LIMCH1: variants seen among roughly 807,000 people sequenced by gnomAD.
The protein encoded by LIMCH1 is LIM and calponin homology domains 1.
A neutral mutation model predicts 176.5 loss-of-function variants in LIMCH1; 113 were observed. The observed-to-expected ratio is 0.64, with a 90% CI of 0.55 to 0.75. The LOEUF is 0.75. Among genes scored for constraint, LIMCH1 ranks in the 30% least tolerant of loss-of-function variants. The pLI, the probability that LIMCH1 is intolerant of heterozygous loss-of-function variation, is 0.00. For missense variants in LIMCH1, 1,674 were observed against 1,814.9 expected (o/e 0.92, Z 1.41); for synonymous variants, 619 against 645.9 (o/e 0.96, Z 0.63).
intron 1 of LIMCH1, among the ~76,000 whole-genome samples, chr4:41,588,387 A>C (rs2086867584): frequency 6.6e-6 from 1 of 152,068 alleles, no homozygotes; most frequent in African/African-American, 2.4e-5. Context: ...ACTTCTTCCA[A>C]GATTGGAAGA....
At chr4:41,547,638 C>CATATATA (rs1172612531) in intron 1 of LIMCH1, among the ~76,000 whole-genome samples, 1 of 143,754 alleles carries the variant, frequency 7.0e-6, no homozygotes, top group African/African-American at 2.6e-5. Context: ...TAAATATATA[C>CATATATA]ATATATAATA....
intron 1 of LIMCH1, among the ~76,000 whole-genome samples, chr4:41,442,503 A>G (rs1037028249): frequency 6.6e-6 from 1 of 152,150 alleles, no homozygotes; most frequent in African/African-American, 2.4e-5. Context: ...CAAATGGATG[A>G]AGGAATTAAT....
At chr4:41,654,536 G>A (rs1309178966) in intron 18 of LIMCH1, among the ~76,000 whole-genome samples, 2 of 152,146 alleles carry the variant, frequency 1.3e-5, no homozygotes, top group South Asian at 2.1e-4. Flanking sequence ...GTCATGGAAC[G>A]TCTGTACTAG....
chr4:41,598,647 A>G (rs1194360367), intron 1 of LIMCH1, among the ~76,000 whole-genome samples: 1 of 152,200 alleles, frequency 6.6e-6, no homozygotes, highest in Non-Finnish European at 1.5e-5. Flanking sequence ...TAACAATGCT[A>G]AGTTTTCCTT....
chr4:41,440,769 G>T (rs1046135476), intron 1 of LIMCH1, among the ~76,000 whole-genome samples: 1 of 152,166 alleles, frequency 6.6e-6, no homozygotes, highest in Non-Finnish European at 1.5e-5. Context: ...CTGACCTCAG[G>T]TGATCCACCT....
intron 1 of LIMCH1, among the ~76,000 whole-genome samples, chr4:41,403,043 A>G (rs2058622318): frequency 6.6e-6 from 1 of 152,156 alleles, no homozygotes; most frequent in Admixed American, 6.5e-5. Context: ...AATTATATAA[A>G]GATGAAATAA....
chr4:41,594,832 T>C (rs534762362), intron 1 of LIMCH1, among the ~76,000 whole-genome samples: 7 of 152,158 alleles, frequency 4.6e-5, no homozygotes, highest in Non-Finnish European at 2.9e-5. Flanking sequence ...GAGCACCTTG[T>C]TGAGAATCTG....
Position 41,605,956 on chromosome 4 carries a change from G to T in LIMCH1, c.-40G>T. 1 of 1,613,778 alleles carries T rather than the reference G, an allele frequency of 6.2e-7. No homozygotes were observed. The highest frequency in any genetic ancestry group is 1.1e-5 in the South Asian group (1 of 91,012). On this transcript the variant is annotated 5_prime_UTR_variant, in exon 4 of 32. Transcript: ENST00000503057. ...ACAGCTGCACATCCTACAGCGGAACGACACTAAACCTGAAGGAGTTTGAAG... is the reference window on the plus strand; with the variant it reads ...ACAGCTGCACATCCTACAGCGGAACTACACTAAACCTGAAGGAGTTTGAAG...
intron 1 of LIMCH1, among the ~76,000 whole-genome samples, chr4:41,589,049 G>A (rs868746749): frequency 1.3e-5 from 2 of 152,150 alleles, no homozygotes; most frequent in Admixed American, 6.5e-5. Flanking sequence ...ATGACAAAGA[G>A]GTGGGGATGC....
rs939175276 is a variant in LIMCH1 at position 41,699,967 on chromosome 4, A to C, written c.*2782A>C. The C allele has an allele frequency of 2.0e-5, 3 of 152,230 alleles. No homozygotes were observed. The highest frequency in any genetic ancestry group is 7.2e-5 in the African/African-American group (3 of 41,462). The allele number at this position is 152,230 out of a possible 1,614,324, so 9.4% of individuals were successfully genotyped here. A position where few individuals can be genotyped will look rare whatever the true frequency, so the allele number is the denominator to read the frequency against. ...TAAAATGCCTCTGAGAAACAGTAAAAAATAAAAACAACAAGTTGTCTAAAA... is the reference window on the plus strand; with the variant it reads ...TAAAATGCCTCTGAGAAACAGTAAACAATAAAAACAACAAGTTGTCTAAAA... On this transcript the variant is annotated 3_prime_UTR_variant, in exon 32 of 32. Transcript: ENST00000503057.
chr4:41,522,042 A>G (rs1227509533), intron 2 of LIMCH1, among the ~76,000 whole-genome samples: 1 of 152,220 alleles, frequency 6.6e-6, no homozygotes. Flanking sequence ...ATAATTTTAA[A>G]ATAATGAATT....
chr4:41,530,094 A>C (rs2077096302), intron 3 of LIMCH1, among the ~76,000 whole-genome samples: 1 of 152,230 alleles, frequency 6.6e-6, no homozygotes, highest in Admixed American at 6.5e-5. Context: ...TAGTTTATGA[A>C]AACTGACATC....
intron 31 of LIMCH1, among the ~76,000 whole-genome samples, chr4:41,694,037 A>C (rs1023900093): frequency 6.6e-6 from 1 of 152,198 alleles, no homozygotes; most frequent in Non-Finnish European, 1.5e-5. Context: ...TTTTTCTCTT[A>C]AATATACAAA....
At chr4:41,565,384 T>TACAC (rs897890089) in intron 1 of LIMCH1, among the ~76,000 whole-genome samples, 65 of 100,316 alleles carry the variant, frequency 6.5e-4, no homozygotes, top group African/African-American at 3.0e-3. Flanking sequence ...CACACACACA[T>TACAC]ACACACACAC....
chr4:41,383,197 C>T (rs1394775572), intron 1 of LIMCH1, among the ~76,000 whole-genome samples: 1 of 152,076 alleles, frequency 6.6e-6, no homozygotes, highest in Non-Finnish European at 1.5e-5. Context: ...TAGTAAGCAC[C>T]CTTTCTATGT....
rs868399915 is a variant in LIMCH1 at position 41,454,935 on chromosome 4, C to T, written c.97-39601C>T. ...AGAGTTTTATAGCTGTGCTTGTATG[C>T]GTACATGTGTGTGTGTGTGTGTGTG... On this transcript the variant is annotated intron_variant, in intron 1 of 26. Transcript: ENST00000313860. 4.1e-4 allele frequency among the ~76,000 whole-genome samples: 56 copies of T among 137,846 alleles called. 1 individual carries two copies. Among genetic ancestry groups the T allele is most frequent in the Admixed American group, 2.2e-3 (31 of 13,802 alleles). 90.4% of individuals were successfully genotyped at this position (137,846 alleles called of 152,430 possible). A position where few individuals can be genotyped will look rare whatever the true frequency, so the allele number is the denominator to read the frequency against.
chr4:41,657,493 C>T (rs1042807297), intron 18 of LIMCH1, among the ~76,000 whole-genome samples: 3 of 152,174 alleles, frequency 2.0e-5, no homozygotes, highest in Admixed American at 1.3e-4. Context: ...TTGCAGAATA[C>T]AGAAAACTGG....
At chr4:41,637,786 A>G (rs560026077) in intron 13 of LIMCH1, among the ~76,000 whole-genome samples, 3 of 152,354 alleles carry the variant, frequency 2.0e-5, no homozygotes, top group East Asian at 3.9e-4. Context: ...AGAAGGGGGT[A>G]TGTGTGTGTA....
chr4:41,375,801 G>A (rs371619511), intron 1 of LIMCH1, among the ~76,000 whole-genome samples: 4 of 152,192 alleles, frequency 2.6e-5, no homozygotes, highest in Non-Finnish European at 5.9e-5. Flanking sequence ...GGGCGAGTAC[G>A]GGAAAGAGGA....
Sources: allele counts gnomAD v4.1 joint callset (sites outside exome capture counted in the v4.1 genomes callset), GRCh38; gene constraint gnomAD v4.1.1; transcripts MANE v1.5; gene names NCBI Gene and HGNC (gene_info 2026-07-23, HGNC 2026-07-21).